Variants in FABP6 observed in about 807,000 individuals in gnomAD.
FABP6 encodes the protein gastrotropin.
In FABP6, 13 loss-of-function variants were observed where a neutral mutation model predicts 14.9. The ratio of observed to expected loss-of-function variants is 0.87; its 90% CI spans 0.57 to 1.39. The LOEUF (loss-of-function observed/expected upper bound fraction) is 1.39, where lower values mean the gene tolerates loss of function less well. FABP6 is among the 40% of genes most tolerant of loss of function. FABP6 has a pLI of 0.00. For missense variants in FABP6, 161 were observed against 167.2 expected (o/e 0.96, Z 0.20); for synonymous variants, 75 against 63.6 (o/e 1.18, Z -0.85).
chr5:160,223,929 A>T (rs1473411341), intron 3 of FABP6, among the ~76,000 whole-genome samples: 7 of 87,540 alleles, frequency 8.0e-5, no homozygotes, highest in Non-Finnish European at 1.4e-4. Flanking sequence ...GTGAGATCCC[A>T]TCTCTACAAA....
upstream of FABP6, among the ~76,000 whole-genome samples, chr5:160,226,175 A>G (rs983904155): frequency 6.6e-6 from 1 of 151,994 alleles, no homozygotes; most frequent in African/African-American, 2.4e-5. Context: ...TGTCTCAAAT[A>G]AATAAATTAA....
In FABP6 at chr5:160,199,012, G is replaced by GC. The variant is rs1759572166; in HGVS notation, c.-58-33dup. ...AATGAACAATGAGATGGTCTCCAGA[G>GC]CCCCTCCCAGCGTGCTGGCTTTTTG... On this transcript the variant is annotated intron_variant, in intron 1 of 6. Transcript: ENST00000393980. 6 of 1,264,718 alleles carry GC rather than the reference G, an allele frequency of 4.7e-6. No homozygotes were observed. The African/African-American group carries it at 5.8e-5, about 12-fold the overall frequency. 78.3% of individuals were successfully genotyped at this position (1,264,718 alleles called of 1,614,324 possible).
intron 1 of FABP6, among the ~76,000 whole-genome samples, chr5:160,193,024 T>C (rs975245507): frequency 6.6e-6 from 1 of 152,206 alleles, no homozygotes; most frequent in African/African-American, 2.4e-5. Flanking sequence ...GGCAGGAGGA[T>C]TGCTTAAGCC....
At chr5:160,189,954 T>G (rs1246241789) in intron 1 of FABP6, among the ~76,000 whole-genome samples, 1 of 152,144 alleles carries the variant, frequency 6.6e-6, no homozygotes, top group Non-Finnish European at 1.5e-5. Context: ...AATAGCTCAT[T>G]TAATTATCTC....
Position 160,234,669 on chromosome 5 carries a change from C to T in FABP6, c.244-151C>T, listed in dbSNP as rs545466406. The T allele has an allele frequency of 8.0e-4, 302 of 375,696 alleles. 5 individuals are homozygous for T. In the East Asian group the frequency reaches 0.013, roughly 16 times the overall value. 23.3% of individuals were successfully genotyped at this position (375,696 alleles called of 1,614,324 possible). A position where few individuals can be genotyped will look rare whatever the true frequency, so the allele number is the denominator to read the frequency against. ...CTCGAACTCCTGACCTCAAGTGATCCGCCTGCCTCAGTCTCCCAAAGTGCT... is the reference window on the plus strand; with the variant it reads ...CTCGAACTCCTGACCTCAAGTGATCTGCCTGCCTCAGTCTCCCAAAGTGCT... On this transcript the variant is annotated intron_variant, in intron 2 of 3. Transcript: ENST00000402432.
chr5:160,224,642 C>T (rs1287809354), upstream of FABP6, among the ~76,000 whole-genome samples: 1 of 152,116 alleles, frequency 6.6e-6, no homozygotes, highest in African/African-American at 2.4e-5. Flanking sequence ...TAAAATGCCA[C>T]TCAAGGCTGG....
chr5:160,222,577 A>G (rs981742105), intron 3 of FABP6, among the ~76,000 whole-genome samples: 4 of 152,046 alleles, frequency 2.6e-5, no homozygotes, highest in Non-Finnish European at 5.9e-5. Flanking sequence ...CAGGTGATCC[A>G]CCCACCTCAG....
intron 2 of FABP6, among the ~76,000 whole-genome samples, chr5:160,208,863 G>C (rs1406084193): frequency 1.4e-5 from 2 of 147,918 alleles, no homozygotes; most frequent in East Asian, 4.0e-4. Context: ...TGCAACCTCT[G>C]CCTCCCGGAT....
chr5:160,232,883 TGA>T (rs899182607), intron 2 of FABP6, among the ~76,000 whole-genome samples: 2 of 147,290 alleles, frequency 1.4e-5, no homozygotes, highest in Non-Finnish European at 3.0e-5. Context: ...GGCGACAGAG[TGA>T]GAGTCCATCA....
upstream of FABP6, among the ~76,000 whole-genome samples, chr5:160,226,046 C>T (rs905048279): frequency 8.5e-4 from 129 of 151,806 alleles, no homozygotes; most frequent in Middle Eastern, 3.4e-3. Flanking sequence ...TGGTGGTAGG[C>T]GCCTATAATC....
At chr5:160,237,562 C>A (rs1760544294) in intron 3 of FABP6, among the ~76,000 whole-genome samples, 1 of 152,112 alleles carries the variant, frequency 6.6e-6, no homozygotes. Context: ...CACCAGCACC[C>A]CTGCCATGTT....
rs772422913 is a variant in FABP6 at position 160,238,617 on chromosome 5, C to T, written c.345C>T (p.Ile115=). 9.3e-6 allele frequency: 15 copies of T among 1,613,862 alleles called. No individual in the cohort carries two copies. The highest frequency in any genetic ancestry group is 2.2e-5 in the South Asian group (2 of 91,074). ...VGDKLVEVST[I]GGVTYERVSK... is the part of the protein sequence containing the mutation. ...GCTGCTTCTTTCAGGTCTCCACCAT[C>T]GGAGGCGTGACCTATGAGCGCGTGA... The change falls in exon 4 of 4, where the codon ATC becomes ATT. Residue 115 remains isoleucine (I), a synonymous_variant. Transcript: ENST00000402432.
At chr5:160,205,948 G>T (rs984959142) in intron 2 of FABP6, among the ~76,000 whole-genome samples, 2 of 152,080 alleles carry the variant, frequency 1.3e-5, no homozygotes, top group Non-Finnish European at 2.9e-5. Flanking sequence ...ATTGTTCAAG[G>T]TCTCTTTTCT....
intron 1 of FABP6, among the ~76,000 whole-genome samples, chr5:160,194,463 A>C (rs1759470253): frequency 6.6e-6 from 1 of 152,140 alleles, no homozygotes; most frequent in Non-Finnish European, 1.5e-5. Flanking sequence ...GCACGCTGTT[A>C]TCTCTCATTT....
rs1760337231 is a variant in FABP6, at chr5:160,229,899, A to G, written c.67+275A>G. Among the ~76,000 whole-genome samples, 3 of 146,656 alleles carry G rather than the reference A, an allele frequency of 2.0e-5. No homozygotes were observed. In the Admixed American group the frequency reaches 2.1e-4, roughly 10 times the overall value. On this transcript the variant is annotated intron_variant, in intron 1 of 3. Coordinates refer to ENST00000402432, the MANE Select transcript of FABP6 (RefSeq NM_001445.3). ...TTATTTTATTTTATTTTTGAGACAG[A>G]GTCTCACTCTGTCTCCCAGGCTGGA...
In FABP6 at chr5:160,238,616, T is replaced by C; in HGVS notation, c.344T>C (p.Ile115Thr). The change falls in exon 4 of 4, where the codon ATC (isoleucine) becomes ACC (threonine). Residue 115 changes from isoleucine to threonine, a missense_variant. Ile to Thr is a moderately conservative substitution (Grantham distance 89). Coordinates refer to ENST00000402432, the MANE Select transcript of FABP6 (RefSeq NM_001445.3). ...VGDKLVEVSTIGGVTYERVSK... is the reference protein window; with the variant it reads ...VGDKLVEVSTTGGVTYERVSK... ...GGCTGCTTCTTTCAGGTCTCCACCA[T>C]CGGAGGCGTGACCTATGAGCGCGTG... The C allele has an allele frequency of 1.2e-6, 2 of 1,613,968 alleles. No individual in the cohort carries two copies. The highest frequency in any genetic ancestry group is 1.7e-6 in the Non-Finnish European group (2 of 1,179,894).
chr5:160,193,987 C>T (rs893432682), intron 1 of FABP6, among the ~76,000 whole-genome samples: 2 of 152,222 alleles, frequency 1.3e-5, no homozygotes, highest in African/African-American at 2.4e-5. Flanking sequence ...CAGGTGCCCA[C>T]GGAGGCGGGG....
At chr5:160,217,498 A>G (rs1580913277) in intron 3 of FABP6, among the ~76,000 whole-genome samples, 1 of 152,184 alleles carries the variant, frequency 6.6e-6, no homozygotes, top group Non-Finnish European at 1.5e-5. Context: ...TGGAAGCTGC[A>G]CGGCCAGCCT....
chr5:160,196,394 G>A (rs1330820173), intron 1 of FABP6, among the ~76,000 whole-genome samples: 2 of 152,202 alleles, frequency 1.3e-5, no homozygotes, highest in Admixed American at 6.5e-5. Flanking sequence ...AAGGAAACCT[G>A]ATGGGGCTCT....
Sources: gnomAD v4.1 joint callset for allele counts (sites outside exome capture counted in the v4.1 genomes callset) on GRCh38, gnomAD v4.1.1 for gene constraint, MANE v1.5 for transcripts, NCBI Gene and HGNC (gene_info 2026-07-23, HGNC 2026-07-21) for gene names.